Variants in ITGA9 observed in about 807,000 individuals in gnomAD.
ITGA9 encodes the protein integrin alpha-9.
A neutral mutation model predicts 127.8 loss-of-function variants in ITGA9; 56 were observed. The ratio of observed to expected loss-of-function variants is 0.44; its 90% CI spans 0.35 to 0.55. The LOEUF (loss-of-function observed/expected upper bound fraction) is 0.55, where lower values mean the gene tolerates loss of function less well. Ranked by LOEUF, ITGA9 falls within the 20% of genes least tolerant of loss-of-function variation. The pLI, the probability that ITGA9 is intolerant of heterozygous loss-of-function variation, is 0.00. For missense variants in ITGA9, 1,196 were observed against 1,347.1 expected (o/e 0.89, Z 1.76); for synonymous variants, 508 against 514.5 (o/e 0.99, Z 0.17).
intron 4 of ITGA9, among the ~76,000 whole-genome samples, chr3:37,485,957 G>T (rs1465902850): frequency 6.6e-6 from 1 of 152,212 alleles, no homozygotes; most frequent in African/African-American, 2.4e-5. Flanking sequence ...GAGAGCTTTG[G>T]TGGGACGATG....
At chr3:37,776,341 TA>T (rs533203991) in intron 23 of ITGA9, among the ~76,000 whole-genome samples, 1,688 of 151,064 alleles carry the variant, frequency 0.011, 20 homozygotes, top group Middle Eastern at 0.045. Flanking sequence ...AAATAAAAGT[TA>T]AAAAAAAACC....
At chr3:37,790,394 C>G in intron 26 of ITGA9, 1 of 472,624 alleles carries the variant, frequency 2.1e-6, no homozygotes, top group Non-Finnish European at 4.3e-6. Context: ...TCCCATTCTG[C>G]TCGGTTCTCT....
intron 15 of ITGA9, among the ~76,000 whole-genome samples, chr3:37,570,073 G>T (rs923654914): frequency 6.6e-6 from 1 of 152,250 alleles, no homozygotes; most frequent in African/African-American, 2.4e-5. Context: ...AATGCGTAGG[G>T]TTGGTCAGTG....
intron 15 of ITGA9, among the ~76,000 whole-genome samples, chr3:37,613,702 C>G (rs1311106619): frequency 6.6e-6 from 1 of 152,246 alleles, no homozygotes; most frequent in Non-Finnish European, 1.5e-5. Flanking sequence ...ATTTGCATTT[C>G]TCTGATGGCC....
intron 15 of ITGA9, among the ~76,000 whole-genome samples, chr3:37,562,064 C>T (rs777820707): frequency 2.0e-5 from 3 of 152,140 alleles, no homozygotes; most frequent in Non-Finnish European, 4.4e-5. Context: ...GCTGGTGGGT[C>T]TCCTCCTATT....
At chr3:37,754,925 G>A (rs1253859862) in intron 23 of ITGA9, among the ~76,000 whole-genome samples, 1 of 152,132 alleles carries the variant, frequency 6.6e-6, no homozygotes. Context: ...CATAACAGGA[G>A]CTTAAAATTA....
chr3:37,554,946 A>G (rs953762739), intron 15 of ITGA9, among the ~76,000 whole-genome samples: 6 of 152,152 alleles, frequency 3.9e-5, no homozygotes, highest in Non-Finnish European at 8.8e-5. Flanking sequence ...AGAAGTATCA[A>G]TTTGGGAGTC....
chr3:37,626,683 A>C (rs985320348), intron 15 of ITGA9, among the ~76,000 whole-genome samples: 1 of 152,172 alleles, frequency 6.6e-6, no homozygotes, highest in Non-Finnish European at 1.5e-5. Context: ...TCAAAAAAAA[A>C]GTGGAAGGTG....
At chr3:37,456,500 T>G (rs1348157418) in intron 1 of ITGA9, among the ~76,000 whole-genome samples, 4 of 152,142 alleles carry the variant, frequency 2.6e-5, no homozygotes, top group Non-Finnish European at 5.9e-5. Flanking sequence ...GCGTGCAGCC[T>G]CCAGAGCGGA....
chr3:37,816,058 T>A (rs1697428365), intron 27 of ITGA9, among the ~76,000 whole-genome samples: 1 of 152,102 alleles, frequency 6.6e-6, no homozygotes, highest in Non-Finnish European at 1.5e-5. Flanking sequence ...TCTCATCCAA[T>A]TGTCAAAGCT....
At chr3:37,631,972 A>G (rs974044769) in intron 16 of ITGA9, among the ~76,000 whole-genome samples, 3 of 152,206 alleles carry the variant, frequency 2.0e-5, no homozygotes, top group African/African-American at 4.8e-5. Context: ...ATTTGAAGTC[A>G]CCAACGTAAG....
At chr3:37,641,833 C>A (rs768860200) in intron 16 of ITGA9, among the ~76,000 whole-genome samples, 40 of 152,210 alleles carry the variant, frequency 2.6e-4, no homozygotes, top group Non-Finnish European at 5.3e-4. Flanking sequence ...CTAGAAAGCA[C>A]TTTGCCATGC....
At chr3:37,600,224 A>C (rs1699904576) in intron 15 of ITGA9, among the ~76,000 whole-genome samples, 3 of 152,224 alleles carry the variant, frequency 2.0e-5, no homozygotes, top group Admixed American at 2.0e-4. Flanking sequence ...ACTCTGTTCT[A>C]GGAGCCAGAG....
intron 26 of ITGA9, among the ~76,000 whole-genome samples, chr3:37,797,728 T>C (rs1433255489): frequency 2.6e-5 from 4 of 152,188 alleles, no homozygotes; most frequent in South Asian, 2.1e-4. Flanking sequence ...TTTTTATTTT[T>C]TATTTTTTAT....
chr3:37,719,814 T>C (rs1257127824), intron 18 of ITGA9, among the ~76,000 whole-genome samples: 5 of 152,084 alleles, frequency 3.3e-5, no homozygotes, highest in Non-Finnish European at 7.4e-5. Flanking sequence ...TACAAACTAA[T>C]TGCACCCCAA....
At chr3:37,709,529 G>A (rs1312790956) in intron 18 of ITGA9, among the ~76,000 whole-genome samples, 1 of 152,230 alleles carries the variant, frequency 6.6e-6, no homozygotes, top group Non-Finnish European at 1.5e-5. Context: ...CTTTGGAAAT[G>A]ATGACCTGAG....
intron 17 of ITGA9, among the ~76,000 whole-genome samples, chr3:37,681,579 A>G (rs1172877223): frequency 6.6e-6 from 1 of 152,192 alleles, no homozygotes; most frequent in Non-Finnish European, 1.5e-5. Flanking sequence ...GGATGTCAGG[A>G]TGCTGAGTGG....
At position 37,725,252 on chromosome 3, in the gene ITGA9, T is replaced by C. The variant is rs540006086; in HGVS notation, c.2068-7460T>C. 2.0e-5 allele frequency among the ~76,000 whole-genome samples: 3 copies of C among 152,346 alleles called. No homozygotes were observed. The South Asian group carries it at 6.2e-4, about 32-fold the overall frequency. ...TTCCTTGATTCAAGAGTACCATGAC[T>C]TGTGTTTGTTCTGACTCCAGGACTA... On this transcript the variant is annotated intron_variant, in intron 18 of 27. Coordinates refer to ENST00000264741, the MANE Select transcript of ITGA9 (RefSeq NM_002207.3).
At chr3:37,754,881 T>C (rs1696631199) in intron 23 of ITGA9, among the ~76,000 whole-genome samples, 1 of 152,178 alleles carries the variant, frequency 6.6e-6, no homozygotes, top group Non-Finnish European at 1.5e-5. Flanking sequence ...CTCACATCCC[T>C]ATGAAGAAAA....
Sources: allele counts gnomAD v4.1 joint callset (sites outside exome capture counted in the v4.1 genomes callset), GRCh38; gene constraint gnomAD v4.1.1; transcripts MANE v1.5; gene names NCBI Gene and HGNC (gene_info 2026-07-23, HGNC 2026-07-21).